The following WDR7 variants were observed in gnomAD, a reference collection of about 807,000 sequenced individuals.
The protein encoded by WDR7 is WD repeat-containing protein 7.
In WDR7, 46 loss-of-function variants were observed where a neutral mutation model predicts 169.4. The ratio of observed to expected loss-of-function variants is 0.27; its 90% CI spans 0.21 to 0.35. The LOEUF (loss-of-function observed/expected upper bound fraction) is 0.35. WDR7 is among the 10% of genes least tolerant of loss of function. The pLI, the probability that WDR7 is intolerant of heterozygous loss-of-function variation, is 1.00. For missense variants in WDR7, 1,534 were observed against 1,859.3 expected, an observed-to-expected ratio of 0.83 and a Z score of 3.22; for synonymous variants, 612 against 666.8, an observed-to-expected ratio of 0.92 and a Z score of 1.27.
At chr18:56,932,472 G>T (rs1179940851) in intron 22 of WDR7, among the ~76,000 whole-genome samples, 2 of 152,180 alleles carry the variant, frequency 1.3e-5, no homozygotes, top group African/African-American at 4.8e-5. Flanking sequence ...AAATTCACAA[G>T]GCCATTTGTT....
At chr18:56,854,904 A>G (rs1178264877) in intron 20 of WDR7, among the ~76,000 whole-genome samples, 1 of 152,138 alleles carries the variant, frequency 6.6e-6, no homozygotes, top group Non-Finnish European at 1.5e-5. Context: ...CAACATAATA[A>G]CAAAAGACAG....
chr18:56,824,605 C>T (rs2045164101), intron 20 of WDR7, among the ~76,000 whole-genome samples: 1 of 152,208 alleles, frequency 6.6e-6, no homozygotes, highest in Non-Finnish European at 1.5e-5. Context: ...CTTAACCTCC[C>T]TGCCCATCTT....
intron 21 of WDR7, among the ~76,000 whole-genome samples, chr18:56,884,457 G>A (rs904041436): frequency 6.6e-6 from 1 of 152,182 alleles, no homozygotes; most frequent in Non-Finnish European, 1.5e-5. Context: ...TGGGTTGTCT[G>A]TTTACTCTGC....
chr18:56,715,940 A>T lies in WDR7; in HGVS notation c.1579-2024A>T, dbSNP rs561760816. ...AAATGAATAATGGATATATTTGACAAAGTCAGTACTGATGATAAGCTGTAG... is the reference window on the plus strand; with the variant it reads ...AAATGAATAATGGATATATTTGACATAGTCAGTACTGATGATAAGCTGTAG... On this transcript the variant is annotated intron_variant, in intron 12 of 27. Coordinates refer to ENST00000254442, the MANE Select transcript of WDR7 (RefSeq NM_015285.3). Among the ~76,000 whole-genome samples, 8 of 152,212 alleles carry T rather than the reference A, an allele frequency of 5.3e-5. 1 individual carries two copies. Among genetic ancestry groups the T allele is most frequent in the Non-Finnish European group, 1.0e-4 (7 of 68,012 alleles).
At chr18:56,861,000 CTA>C (rs541553053) in intron 20 of WDR7, among the ~76,000 whole-genome samples, 84 of 152,054 alleles carry the variant, frequency 5.5e-4, no homozygotes, top group African/African-American at 2.0e-3. Flanking sequence ...TGCTCTATTT[CTA>C]TGTTAACTGT....
In WDR7 at chr18:56,682,781, T is replaced by C. The variant is rs769907493; in HGVS notation, c.448T>C (p.Tyr150His). The change falls in exon 5 of 28, where the codon TAC becomes CAC. Residue 150 changes from tyrosine (Y) to histidine (H), a missense_variant. By Grantham distance (83) the Tyr-to-His change is moderately conservative (BLOSUM62 2). Transcript: ENST00000254442. ...VVDATSLEVL[Y>H]SLVSKISPDW... Reference sequence around the variant, plus strand: ...GGATGCTACCAGCCTTGAAGTATTATACTCCTTAGTATCAAAGATATCACC... The same window carrying C: ...GGATGCTACCAGCCTTGAAGTATTACACTCCTTAGTATCAAAGATATCACC... The C allele has an allele frequency of 2.0e-5, 32 of 1,613,874 alleles. 1 individual carries two copies. The South Asian group carries it at 3.1e-4, about 16-fold the overall frequency.
intron 13 of WDR7, among the ~76,000 whole-genome samples, chr18:56,726,104 GTTC>G (rs2026447028): frequency 6.6e-6 from 1 of 152,148 alleles, no homozygotes; most frequent in Non-Finnish European, 1.5e-5. Flanking sequence ...CTCCAGCTTT[GTTC>G]TTTTGGAGGA....
intron 26 of WDR7, among the ~76,000 whole-genome samples, chr18:57,011,444 A>G (rs141247381): frequency 6.8e-4 from 102 of 150,202 alleles, no homozygotes; most frequent in Non-Finnish European, 1.1e-3. Context: ...TATTATATTT[A>G]TCCTTAAATC....
intron 19 of WDR7, among the ~76,000 whole-genome samples, chr18:56,792,218 A>G (rs557092965): frequency 1.5e-4 from 23 of 152,200 alleles, no homozygotes; most frequent in African/African-American, 4.3e-4. Context: ...GGGTCTTCCT[A>G]TGTTGCCCAA....
At position 56,696,343 on chromosome 18, in the gene WDR7, T is replaced by G. The variant is rs2025703709; in HGVS notation, c.1459T>G (p.Ser487Ala). The part of the protein sequence containing the change: ...SARYDQRYLI[S>A]GGVDFSVIIW... ...TCGGTATGATCAAAGATACCTGATA[T>G]CTGGAGGTGTGGATTTTTCAGTCAT... Residue 487 changes from serine to alanine, a missense_variant, in exon 12 of 28, where the codon TCT (serine) becomes GCT (alanine). Transcript: ENST00000254442. 1.2e-6 allele frequency: 2 copies of G among 1,614,162 alleles called. No individual in the cohort carries two copies. Among genetic ancestry groups the G allele is most frequent in the Non-Finnish European group, 1.7e-6 (2 of 1,180,002 alleles).
intron 12 of WDR7, chr18:56,699,867 T>G: frequency 1.0e-6 from 1 of 985,456 alleles, no homozygotes; most frequent in Non-Finnish European, 1.2e-6. Flanking sequence ...AGATGAGCTC[T>G]GAAGACAGAC....
At chr18:56,950,782 T>C (rs1467443406) in intron 25 of WDR7, among the ~76,000 whole-genome samples, 3 of 152,158 alleles carry the variant, frequency 2.0e-5, no homozygotes, top group African/African-American at 7.2e-5. Flanking sequence ...TGTCCTCAAA[T>C]TCCAGTGCCA....
chr18:56,850,435 G>T (rs1455278791), intron 20 of WDR7, among the ~76,000 whole-genome samples: 1 of 152,030 alleles, frequency 6.6e-6, no homozygotes, highest in Non-Finnish European at 1.5e-5. Flanking sequence ...TTGCCTATTT[G>T]CCATGTATAC....
At chr18:57,031,747 C>G (rs534893986), downstream of WDR7, 12 of 152,296 alleles carry the variant, frequency 7.9e-5, no homozygotes, top group African/African-American at 2.9e-4. Flanking sequence ...CCAGAGAAGG[C>G]CAGGAGTCTA....
At position 56,948,039 on chromosome 18, in the gene WDR7, G is replaced by GT. The variant is rs368412407; in HGVS notation, c.4064+8655dup. 5.2e-3 allele frequency among the ~76,000 whole-genome samples: 780 copies of GT among 150,978 alleles called. 2 individuals carry two copies. Among genetic ancestry groups the GT allele is most frequent in the Middle Eastern group, 0.024 (7 of 292 alleles). ...AATGCATGACAAATAAAGGATTAGG[G>GT]TTTTTTTTTAATGAAATTGTAAGTC... On this transcript the variant is annotated intron_variant, in intron 25 of 27. Transcript: ENST00000254442.
At chr18:56,746,567 T>C (rs889020663) in intron 14 of WDR7, among the ~76,000 whole-genome samples, 1 of 152,204 alleles carries the variant, frequency 6.6e-6, no homozygotes, top group Non-Finnish European at 1.5e-5. Context: ...CTCATGAGCA[T>C]GAGTTCTGTG....
chr18:57,020,985 T>C (rs907590250), intron 27 of WDR7, 136 bp downstream of exon 27: 6 of 714,068 alleles, frequency 8.4e-6, no homozygotes, highest in East Asian at 5.4e-5. Flanking sequence ...CCAGTCTGTA[T>C]TGATTGCTGA....
chr18:56,878,493 A>G (rs904621614), intron 20 of WDR7, among the ~76,000 whole-genome samples: 15 of 152,182 alleles, frequency 9.9e-5, no homozygotes, highest in Admixed American at 8.5e-4. Context: ...TAGATGCCCA[A>G]TAAATATTTG....
chr18:56,734,061 A>G (rs184541107), intron 14 of WDR7, among the ~76,000 whole-genome samples: 3 of 152,218 alleles, frequency 2.0e-5, no homozygotes, highest in Admixed American at 2.0e-4. Context: ...TGCAGCCTCA[A>G]GGCTGTGTTC....
Sources: allele counts gnomAD v4.1 joint callset (sites outside exome capture counted in the v4.1 genomes callset), GRCh38; gene constraint gnomAD v4.1.1; transcripts MANE v1.5; gene names NCBI Gene and HGNC (gene_info 2026-07-23, HGNC 2026-07-21).